ZMYND8: variants seen among roughly 807,000 people sequenced by gnomAD.
The protein encoded by ZMYND8 is zinc finger MYND-type containing 8.
Under a neutral mutation model 140.8 loss-of-function variants are expected in ZMYND8, and 37 were observed. That is an observed-to-expected ratio of 0.26 (90% CI 0.20 to 0.35). The LOEUF (loss-of-function observed/expected upper bound fraction) is 0.35, where lower values mean the gene tolerates loss of function less well. Ranked by LOEUF, ZMYND8 falls within the 10% of genes least tolerant of loss-of-function variation. ZMYND8 has a pLI of 1.00. For synonymous variants in ZMYND8, 592 were observed against 597.1 expected (o/e 0.99, Z 0.12); for missense variants, 1,068 against 1,570.0 (o/e 0.68, Z 5.40).
chr20:47,230,381 T>G (rs902695789), intron 16 of ZMYND8, among the ~76,000 whole-genome samples: 5 of 151,684 alleles, frequency 3.3e-5, no homozygotes, highest in African/African-American at 4.8e-5. Flanking sequence ...TACCTCCGCC[T>G]CCAGGTTCAG....
intron 2 of ZMYND8, among the ~76,000 whole-genome samples, chr20:47,342,742 G>A (rs1302563737): frequency 6.6e-6 from 1 of 151,610 alleles, no homozygotes; most frequent in African/African-American, 2.4e-5. Context: ...CAGCTACTAT[G>A]GAGGCTGGAG....
intron 11 of ZMYND8, among the ~76,000 whole-genome samples, chr20:47,270,795 CG>C (rs1445224118): frequency 1.3e-5 from 2 of 150,670 alleles, no homozygotes; most frequent in African/African-American, 4.9e-5. Flanking sequence ...AAACAGAAAT[CG>C]GCCGGGTGCA....
intron 2 of ZMYND8, among the ~76,000 whole-genome samples, chr20:47,313,087 C>T (rs117275349): frequency 2.0e-5 from 3 of 151,962 alleles, no homozygotes; most frequent in East Asian, 1.9e-4. Flanking sequence ...GTCACATGGC[C>T]GGACACAGTG....
intron 10 of ZMYND8, among the ~76,000 whole-genome samples, chr20:47,277,237 G>A (rs2076309794): frequency 6.6e-6 from 1 of 152,264 alleles, no homozygotes; most frequent in Non-Finnish European, 1.5e-5. Context: ...CTAAAAGGAG[G>A]TACATGTTTT....
At chr20:47,254,976 T>C (rs1425964324) in intron 12 of ZMYND8, among the ~76,000 whole-genome samples, 1 of 152,008 alleles carries the variant, frequency 6.6e-6, no homozygotes, top group Non-Finnish European at 1.5e-5. Flanking sequence ...AAACCCCATC[T>C]CTACTAAAAA....
intron 13 of ZMYND8, among the ~76,000 whole-genome samples, chr20:47,246,923 C>G (rs993606240): frequency 6.6e-6 from 1 of 152,162 alleles, no homozygotes; most frequent in Non-Finnish European, 1.5e-5. Flanking sequence ...TATCACCTGC[C>G]CTAGGACACA....
chr20:47,279,080 A>G (rs1390310427), intron 10 of ZMYND8, among the ~76,000 whole-genome samples: 3 of 151,714 alleles, frequency 2.0e-5, no homozygotes, highest in Non-Finnish European at 4.4e-5. Flanking sequence ...TCACCCACAC[A>G]CTTCTGTCCG....
chr20:47,245,059 C>G (rs192050358), intron 14 of ZMYND8, among the ~76,000 whole-genome samples: 2 of 151,940 alleles, frequency 1.3e-5, no homozygotes, highest in African/African-American at 2.4e-5. Context: ...TTCTGTCCGC[C>G]CCCCCTCCCC....
chr20:47,261,767 C>T (rs1205829508), intron 12 of ZMYND8, among the ~76,000 whole-genome samples: 1 of 152,094 alleles, frequency 6.6e-6, no homozygotes, highest in Non-Finnish European at 1.5e-5. Flanking sequence ...GGTGGAAACA[C>T]TGGCCTGGAT....
At chr20:47,225,596 A>AGGAAGGGGAAG (rs1568912856) in intron 18 of ZMYND8, among the ~76,000 whole-genome samples, 1 of 4,800 alleles carries the variant, frequency 2.1e-4, no homozygotes. Context: ...AGGAAGGGGA[A>AGGAAGGGGAAG]GGAGGGGATG....
At chr20:47,305,458 C>T (rs2078407943) in intron 3 of ZMYND8, among the ~76,000 whole-genome samples, 1 of 151,712 alleles carries the variant, frequency 6.6e-6, no homozygotes, top group South Asian at 2.1e-4. Context: ...CCAGGTTGGT[C>T]TCGAACTCCT....
chr20:47,260,704 C>T (rs151198600), intron 12 of ZMYND8, among the ~76,000 whole-genome samples: 351 of 152,348 alleles, frequency 2.3e-3, no homozygotes, highest in Non-Finnish European at 3.0e-3. Context: ...TTCCAGACAT[C>T]CATCATGGTG....
chr20:47,224,038 AAC>A (rs1040725089), intron 19 of ZMYND8, among the ~76,000 whole-genome samples: 56 of 152,372 alleles, frequency 3.7e-4, no homozygotes, highest in African/African-American at 1.3e-3. Flanking sequence ...TGCCAAAAAA[AAC>A]ACAGTGTCTC....
At chr20:47,259,187 A>AAAC (rs1355397296) in intron 12 of ZMYND8, among the ~76,000 whole-genome samples, 8 of 152,214 alleles carry the variant, frequency 5.3e-5, no homozygotes, top group African/African-American at 1.7e-4. Context: ...GAACGCCTCC[A>AAAC]AACAGCATTT....
chr20:47,223,033 CT>C (rs942830229), intron 19 of ZMYND8, among the ~76,000 whole-genome samples: 12 of 152,214 alleles, frequency 7.9e-5, no homozygotes, highest in African/African-American at 2.7e-4. Flanking sequence ...TTACCAACCC[CT>C]GGTCAAGCTT....
chr20:47,307,545 G>A (rs2078589125), intron 3 of ZMYND8, among the ~76,000 whole-genome samples: 1 of 152,054 alleles, frequency 6.6e-6, no homozygotes, highest in African/African-American at 2.4e-5. Flanking sequence ...TGAGTGTCCA[G>A]CTTGAGCAAT....
chr20:47,341,903 TG>T (rs1335263149), intron 2 of ZMYND8, among the ~76,000 whole-genome samples: 1 of 151,878 alleles, frequency 6.6e-6, no homozygotes, highest in Non-Finnish European at 1.5e-5. Flanking sequence ...CTTGGGAGGC[TG>T]AGGCAGGAGA....
chr20:47,338,990 T>C (rs2081607822), intron 2 of ZMYND8, among the ~76,000 whole-genome samples: 1 of 147,044 alleles, frequency 6.8e-6, no homozygotes, highest in African/African-American at 2.6e-5. Context: ...TTTTTTTTTG[T>C]GAGACAGAGT....
intron 14 of ZMYND8, 61 bp downstream of exon 14, chr20:47,245,947 A>C (rs1280766814): frequency 6.6e-7 from 1 of 1,522,222 alleles, no homozygotes; most frequent in East Asian, 2.3e-5. Flanking sequence ...TTTGATAGTA[A>C]GTGTACGAGG....
Sources: allele counts gnomAD v4.1 joint callset (sites outside exome capture counted in the v4.1 genomes callset), GRCh38; gene constraint gnomAD v4.1.1; transcripts MANE v1.5; gene names NCBI Gene and HGNC (gene_info 2026-07-23, HGNC 2026-07-21).